PCCA: variants seen among roughly 807,000 people sequenced by gnomAD.
PCCA encodes the protein propionyl-CoA carboxylase alpha chain, mitochondrial.
In PCCA, 74 loss-of-function variants were observed where a neutral mutation model predicts 101.3. That is an observed-to-expected ratio of 0.73 (90% confidence interval 0.61 to 0.89). The LOEUF is 0.89. PCCA is among the 40% of genes least tolerant of loss of function. The probability of loss-of-function intolerance (pLI) is 0.00; values close to 1 mark genes in which losing one functional copy is unlikely to be tolerated. For missense variants in PCCA, 891 were observed against 907.0 expected (o/e 0.98, Z 0.23); for synonymous variants, 294 against 313.6 (o/e 0.94, Z 0.66).
chr13:100,359,266 T>G (rs1025650560), intron 18 of PCCA, among the ~76,000 whole-genome samples: 2 of 152,138 alleles, frequency 1.3e-5, no homozygotes, highest in Non-Finnish European at 2.9e-5. Flanking sequence ...TGTTGTCTTC[T>G]TAAGATTGGG....
At chr13:100,106,701 G>A (rs548987802) in intron 2 of PCCA, among the ~76,000 whole-genome samples, 20 of 152,208 alleles carry the variant, frequency 1.3e-4, no homozygotes, top group Non-Finnish European at 2.2e-4. Context: ...AGGCATGAGC[G>A]ACCGTGCCTG....
chr13:100,199,214 G>A (rs911996460), intron 6 of PCCA, among the ~76,000 whole-genome samples: 2 of 152,094 alleles, frequency 1.3e-5, no homozygotes, highest in South Asian at 2.1e-4. Flanking sequence ...CTGGAAAGCT[G>A]TGTGACCCAT....
rs3034654 is a variant in PCCA at position 100,221,746 on chromosome 13, A to ATTTTT, written c.600+12300_600+12304dup. Among the ~76,000 whole-genome samples the ATTTTT allele has an allele frequency of 3.9e-3, 474 of 121,548 alleles. 16 individuals are homozygous for ATTTTT. Among genetic ancestry groups the ATTTTT allele is most frequent in the African/African-American group, 0.015 (456 of 30,444 alleles). 79.7% of individuals were successfully genotyped at this position (121,548 alleles called of 152,430 possible). ...GAATGTCCTTTTGTTTCCCTGGGAA[A>ATTTTT]TTTTTTTTTTTTTTTTTTTTTGAGA... On this transcript the variant is annotated intron_variant, in intron 7 of 23. Transcript: ENST00000376285.
At chr13:100,113,600 A>G (rs2048527205) in intron 4 of PCCA, among the ~76,000 whole-genome samples, 1 of 139,126 alleles carries the variant, frequency 7.2e-6, no homozygotes, top group Non-Finnish European at 1.5e-5. Context: ...TTTTTTTGAG[A>G]CAGAGTCTTG....
chr13:100,376,862 C>A lies in PCCA; in HGVS notation c.1746+8288C>A, dbSNP rs534586083. Among the ~76,000 whole-genome samples the A allele has an allele frequency of 1.2e-3, 176 of 152,278 alleles. 1 individual carries two copies. The highest frequency in any genetic ancestry group is 4.0e-3 in the African/African-American group (166 of 41,564). ...GGCACCACTGGGGTATGAAAAAAAACTCCTGCAGCTAGCTTGGTGTCTGCC... is the reference window on the plus strand; with the variant it reads ...GGCACCACTGGGGTATGAAAAAAAAATCCTGCAGCTAGCTTGGTGTCTGCC... On this transcript the variant is annotated intron_variant, in intron 19 of 23. Transcript: ENST00000376285.
rs181251032 is a variant in PCCA, at chr13:100,335,140, C to T, written c.1540+4469C>T. ...AGAGTACTATACCCAGCTAAGATAT[C>T]GTCATCAATATAAACAAATTTGTTT... On this transcript the variant is annotated intron_variant, in intron 17 of 23. Coordinates refer to ENST00000376285, the MANE Select transcript of PCCA (RefSeq NM_000282.4). Among the ~76,000 whole-genome samples the T allele has an allele frequency of 7.2e-5, 11 of 152,178 alleles. No homozygotes were observed. In the East Asian group the frequency reaches 1.4e-3, roughly 19 times the overall value.
intron 6 of PCCA, among the ~76,000 whole-genome samples, chr13:100,165,810 T>A (rs1311950599): frequency 6.6e-6 from 1 of 152,010 alleles, no homozygotes; most frequent in African/African-American, 2.4e-5. Context: ...GATAGGAGGA[T>A]CACTTGAGGC....
At chr13:100,514,325 C>G (rs1314942581) in intron 21 of PCCA, among the ~76,000 whole-genome samples, 1 of 152,176 alleles carries the variant, frequency 6.6e-6, no homozygotes, top group African/African-American at 2.4e-5. Context: ...TGAAGAGGCA[C>G]TTAGAGATTC....
intron 6 of PCCA, among the ~76,000 whole-genome samples, chr13:100,175,345 T>C (rs928741787): frequency 2.0e-4 from 31 of 152,228 alleles, no homozygotes; most frequent in African/African-American, 7.5e-4. Flanking sequence ...TTTAGAGAAG[T>C]TTTGCAAATC....
intron 6 of PCCA, among the ~76,000 whole-genome samples, chr13:100,173,898 G>C (rs1003037087): frequency 2.6e-5 from 4 of 152,190 alleles, no homozygotes; most frequent in African/African-American, 9.7e-5. Flanking sequence ...TCTCTTGCCT[G>C]CTGCCATGTA....
At chr13:100,527,586 T>A (rs2087951454) in intron 22 of PCCA, 89 bp from the exon 23 acceptor site, 3 of 876,030 alleles carry the variant, frequency 3.4e-6, no homozygotes. Flanking sequence ...TTTGGGGCAT[T>A]TGACAAAGAA....
chr13:100,350,385 A>G (rs1331063531), intron 18 of PCCA, among the ~76,000 whole-genome samples: 1 of 152,268 alleles, frequency 6.6e-6, no homozygotes, highest in Non-Finnish European at 1.5e-5. Flanking sequence ...AAACGTATGT[A>G]TACACTCTTT....
At chr13:100,365,750 C>A (rs1316252337) in intron 18 of PCCA, among the ~76,000 whole-genome samples, 1 of 152,196 alleles carries the variant, frequency 6.6e-6, no homozygotes, top group African/African-American at 2.4e-5. Context: ...GACAACTACT[C>A]ATAATAAAAG....
At chr13:100,323,206 G>A (rs186760910) in intron 16 of PCCA, among the ~76,000 whole-genome samples, 1 of 152,352 alleles carries the variant, frequency 6.6e-6, no homozygotes, top group African/African-American at 2.4e-5. Context: ...ACAAAAATAG[G>A]TAGGAGGCTA....
At position 100,321,721 on chromosome 13, in the gene PCCA, T is replaced by G. The variant is rs143089842; in HGVS notation, c.1430-8840T>G. On this transcript the variant is annotated intron_variant, in intron 16 of 23. Transcript: ENST00000376285. ...TATATATAACTTTTTCCATGGAATT[T>G]TTGTGTAGCTAAAGGAATAGCATTA... Among the ~76,000 whole-genome samples, 4 of 152,124 alleles carry G rather than the reference T, an allele frequency of 2.6e-5. No homozygotes were observed. In the East Asian group the frequency reaches 7.7e-4, roughly 29 times the overall value.
chr13:100,134,290 TA>T (rs1369188226), intron 4 of PCCA, among the ~76,000 whole-genome samples: 6 of 152,240 alleles, frequency 3.9e-5, no homozygotes, highest in African/African-American at 1.2e-4. Flanking sequence ...TTGTCAGTAC[TA>T]CATAGTGTTA....
intron 16 of PCCA, among the ~76,000 whole-genome samples, chr13:100,330,061 G>T (rs370782294): frequency 1.5e-3 from 227 of 152,178 alleles, no homozygotes; most frequent in African/African-American, 5.0e-3. Context: ...CTGACCTCTC[G>T]CCAACCAACC....
rs2065670762 is a variant in PCCA, at chr13:100,297,782, A to G, written c.1066-3678A>G. Among the ~76,000 whole-genome samples, 3 of 152,204 alleles carry G rather than the reference A, an allele frequency of 2.0e-5. No homozygotes were observed. The South Asian group carries it at 6.2e-4, about 31-fold the overall frequency. ...ATGTTATAAGGCACGATTATGTCCT[A>G]TAATATGGCATTTGATAATTTTTTG... is the stretch of plus-strand genomic sequence containing the variant. On this transcript the variant is annotated intron_variant, in intron 12 of 23. Transcript: ENST00000376285.
chr13:100,457,762 A>G (rs1431050915), intron 21 of PCCA, among the ~76,000 whole-genome samples: 1 of 152,230 alleles, frequency 6.6e-6, no homozygotes, highest in African/African-American at 2.4e-5. Context: ...GAAAAATGCA[A>G]GAGACCTGGG....
Sources: allele counts gnomAD v4.1 joint callset (sites outside exome capture counted in the v4.1 genomes callset), GRCh38; gene constraint gnomAD v4.1.1; transcripts MANE v1.5; gene names NCBI Gene and HGNC (gene_info 2026-07-23, HGNC 2026-07-21).